The following NTRK2 variants were observed in gnomAD, a reference collection of about 807,000 sequenced individuals.
The protein encoded by NTRK2 is BDNF/NT-3 growth factors receptor.
NTRK2 carries 13 observed loss-of-function variants against 94.5 expected under a neutral mutation model. The ratio of observed to expected loss-of-function variants is 0.14; its 90% CI spans 0.09 to 0.22. NTRK2 has a LOEUF of 0.22. Among genes scored for constraint, NTRK2 ranks in the 10% least tolerant of loss-of-function variants. The pLI, the probability that NTRK2 is intolerant of heterozygous loss-of-function variation, is 1.00. For synonymous variants in NTRK2, 372 were observed against 407.4 expected, an observed-to-expected ratio of 0.91 and a Z score of 1.05; for missense variants, 639 against 1,071.2, an observed-to-expected ratio of 0.60 and a Z score of 5.63.
chr9:84,689,669 A>G (rs2059928239), intron 2 of NTRK2, among the ~76,000 whole-genome samples: 1 of 152,166 alleles, frequency 6.6e-6, no homozygotes, highest in Non-Finnish European at 1.5e-5. Context: ...TTAAGTTCAT[A>G]TTTCAGTGAT....
intron 17 of NTRK2, among the ~76,000 whole-genome samples, chr9:84,987,942 C>T (rs1304580143): frequency 2.0e-5 from 3 of 152,210 alleles, no homozygotes; most frequent in East Asian, 3.8e-4. Flanking sequence ...ACTGCAGTTA[C>T]TTCCTTAAAA....
intron 15 of NTRK2, among the ~76,000 whole-genome samples, 196 bp from the exon 16 acceptor site, chr9:84,948,266 T>C (rs2078666024): frequency 6.6e-6 from 1 of 152,212 alleles, no homozygotes; most frequent in Non-Finnish European, 1.5e-5. Flanking sequence ...AGAGAACCTC[T>C]GTGAAAGTGT....
chr9:84,895,761 C>T (rs1376617122), intron 14 of NTRK2, among the ~76,000 whole-genome samples: 2 of 152,154 alleles, frequency 1.3e-5, no homozygotes, highest in Non-Finnish European at 2.9e-5. Flanking sequence ...CTCCCTTCTC[C>T]CACCTCACTT....
chr9:84,764,420 T>C (rs1564215139), intron 12 of NTRK2, among the ~76,000 whole-genome samples: 1 of 152,208 alleles, frequency 6.6e-6, no homozygotes. Context: ...AAGGAGAGCT[T>C]TCTGGCCTTG....
intron 12 of NTRK2, among the ~76,000 whole-genome samples, chr9:84,837,302 G>A (rs1380074528): frequency 6.6e-6 from 1 of 152,102 alleles, no homozygotes; most frequent in Non-Finnish European, 1.5e-5. Context: ...ATTGAAACTA[G>A]GGGGTTTGGC....
chr9:84,816,084 G>C (rs2072368120), intron 12 of NTRK2, among the ~76,000 whole-genome samples: 1 of 151,700 alleles, frequency 6.6e-6, no homozygotes, highest in South Asian at 2.1e-4. Context: ...AAATGACCCA[G>C]GTCACAATAA....
chr9:84,989,734 GT>G (rs1462309018), intron 17 of NTRK2, among the ~76,000 whole-genome samples: 1 of 152,136 alleles, frequency 6.6e-6, no homozygotes, highest in Non-Finnish European at 1.5e-5. Flanking sequence ...CTTGTCCAGT[GT>G]TTTTTCTACC....
At chr9:84,806,241 C>G (rs1428911866) in intron 12 of NTRK2, among the ~76,000 whole-genome samples, 2 of 152,028 alleles carry the variant, frequency 1.3e-5, no homozygotes, top group Non-Finnish European at 2.9e-5. Context: ...AAAAGAAGGT[C>G]CATGAGTGGA....
chr9:84,970,223 C>A (rs1055105965), intron 17 of NTRK2, among the ~76,000 whole-genome samples: 3 of 151,932 alleles, frequency 2.0e-5, no homozygotes, highest in Non-Finnish European at 4.4e-5. Flanking sequence ...ATGGCAAAAC[C>A]CCTTCTCTGC....
At chr9:84,729,367 C>G (rs183696974) in intron 9 of NTRK2, among the ~76,000 whole-genome samples, 20 of 152,278 alleles carry the variant, frequency 1.3e-4, no homozygotes, top group Non-Finnish European at 8.8e-5. Flanking sequence ...GCTGTCTTTT[C>G]CATTAAATCT....
chr9:84,671,436 A>G (rs762156432), intron 2 of NTRK2, among the ~76,000 whole-genome samples: 1 of 152,134 alleles, frequency 6.6e-6, no homozygotes, highest in Non-Finnish European at 1.5e-5. Flanking sequence ...CTTTTTTGAG[A>G]TTTAAGTTAA....
At chr9:84,894,185 A>AGGGGG (rs1291296307) in intron 14 of NTRK2, among the ~76,000 whole-genome samples, 7,728 of 146,634 alleles carry the variant, frequency 0.053, 613 homozygotes, top group African/African-American at 0.16. Flanking sequence ...TTTTTATAAC[A>AGGGGG]CATTGAATAG....
intron 14 of NTRK2, among the ~76,000 whole-genome samples, chr9:84,915,675 C>G (rs772811555): frequency 2.0e-5 from 3 of 152,110 alleles, no homozygotes; most frequent in Non-Finnish European, 4.4e-5. Context: ...GGGACTAAGA[C>G]AGTTGTCTAG....
chr9:84,955,927 C>A lies in NTRK2; in HGVS notation c.2172+410C>A, dbSNP rs138435316. Reference sequence around the variant, plus strand: ...GAGGCCCTGGAGGTGAGGTTATCAACGTATAAATTTTGGGGGGACGCAGGT... The same window carrying A: ...GAGGCCCTGGAGGTGAGGTTATCAAAGTATAAATTTTGGGGGGACGCAGGT... On this transcript the variant is annotated intron_variant, in intron 17 of 18. Coordinates refer to ENST00000277120, the MANE Select transcript of NTRK2 (RefSeq NM_006180.6). Among the ~76,000 whole-genome samples the A allele has an allele frequency of 1.7e-3, 264 of 152,282 alleles. 1 individual carries two copies. The highest frequency in any genetic ancestry group is 5.1e-3 in the African/African-American group (212 of 41,558).
chr9:84,857,340 C>A (rs1344813810), intron 12 of NTRK2, among the ~76,000 whole-genome samples: 1 of 151,966 alleles, frequency 6.6e-6, no homozygotes, highest in East Asian at 1.9e-4. Flanking sequence ...TTGAAGGAGC[C>A]CTTTATTTTG....
intron 14 of NTRK2, among the ~76,000 whole-genome samples, chr9:84,910,453 C>T (rs1320936066): frequency 6.6e-6 from 1 of 152,020 alleles, no homozygotes; most frequent in African/African-American, 2.4e-5. Context: ...TGTCTGTGTC[C>T]CTGTCACTCT....
At chr9:84,743,220 T>C (rs1038495612) in intron 10 of NTRK2, among the ~76,000 whole-genome samples, 16 of 152,166 alleles carry the variant, frequency 1.1e-4, no homozygotes, top group African/African-American at 2.4e-5. Context: ...AAGCCACTGT[T>C]TGGGGAAGTG....
chr9:84,922,026 T>A (rs1160518256), intron 14 of NTRK2, among the ~76,000 whole-genome samples: 15 of 152,050 alleles, frequency 9.9e-5, no homozygotes, highest in Non-Finnish European at 1.8e-4. Flanking sequence ...AATCTATGGA[T>A]TTTTTTCCCT....
chr9:84,891,953 C>T (rs923071045), intron 14 of NTRK2, among the ~76,000 whole-genome samples: 4 of 151,700 alleles, frequency 2.6e-5, no homozygotes, highest in Non-Finnish European at 2.9e-5. Context: ...GAACTTAGGC[C>T]GGTATGATAT....
Sources: allele counts gnomAD v4.1 joint callset (sites outside exome capture counted in the v4.1 genomes callset), GRCh38; gene constraint gnomAD v4.1.1; transcripts MANE v1.5; gene names NCBI Gene and HGNC (gene_info 2026-07-23, HGNC 2026-07-21).